AFF3: variants seen among roughly 807,000 people sequenced by gnomAD.
The protein encoded by AFF3 is AF4/FMR2 family member 3.
A neutral mutation model predicts 129.7 loss-of-function variants in AFF3; 32 were observed. The ratio of observed to expected loss-of-function variants is 0.25; its 90% CI spans 0.19 to 0.33. The LOEUF is 0.33. AFF3 is among the 10% of genes least tolerant of loss of function. The pLI, the probability that AFF3 is intolerant of heterozygous loss-of-function variation, is 1.00. For missense variants in AFF3, 1,373 were observed against 1,592.0 expected, an observed-to-expected ratio of 0.86 and a Z score of 2.34; for synonymous variants, 644 against 635.4, an observed-to-expected ratio of 1.01 and a Z score of -0.20.
chr2:99,601,694 G>C, intron 13 of AFF3, 73 bp from the exon 14 acceptor site: 3 of 1,525,652 alleles, frequency 2.0e-6, no homozygotes, highest in Non-Finnish European at 2.6e-6. Context: ...ACACCACCAA[G>C]CTGTCATGCA....
intron 4 of AFF3, among the ~76,000 whole-genome samples, chr2:100,013,704 C>G (rs576725424): frequency 6.6e-6 from 1 of 152,174 alleles, no homozygotes; most frequent in South Asian, 2.1e-4. Context: ...ACAGAGAGAA[C>G]CATAAGGAGA....
intron 7 of AFF3, among the ~76,000 whole-genome samples, chr2:99,877,107 C>A (rs1692358791): frequency 1.3e-5 from 2 of 152,148 alleles, no homozygotes; most frequent in Admixed American, 1.3e-4. Flanking sequence ...GAGGAATACA[C>A]AGATTCTTGG....
At chr2:100,000,840 T>C (rs1490017843) in intron 7 of AFF3, among the ~76,000 whole-genome samples, 1 of 152,206 alleles carries the variant, frequency 6.6e-6, no homozygotes, top group Non-Finnish European at 1.5e-5. Flanking sequence ...TCTCCATAGC[T>C]GCACCCATTC....
chr2:99,595,096 G>A (rs1293755738), intron 14 of AFF3, among the ~76,000 whole-genome samples: 1 of 152,144 alleles, frequency 6.6e-6, no homozygotes, highest in Non-Finnish European at 1.5e-5. Flanking sequence ...GAAATGGATG[G>A]GAAATGTGTA....
At chr2:99,826,526 G>T (rs1369898874) in intron 8 of AFF3, among the ~76,000 whole-genome samples, 2 of 152,204 alleles carry the variant, frequency 1.3e-5, no homozygotes, top group Non-Finnish European at 2.9e-5. Context: ...CATCTCTAGT[G>T]AGGCTTGGAA....
chr2:99,572,571 G>A, intron 18 of AFF3: 1 of 455,554 alleles, frequency 2.2e-6, no homozygotes, highest in East Asian at 7.0e-5. Flanking sequence ...AAGTTCCTCG[G>A]CGCGGCAGAA....
At chr2:100,011,615 C>A (rs1469519927) in intron 4 of AFF3, 1 of 779,722 alleles carries the variant, frequency 1.3e-6, no homozygotes, top group African/African-American at 1.7e-5. Context: ...ACACTTTAAA[C>A]CTGATTAGCC....
chr2:99,957,034 G>T (rs1676716441), intron 7 of AFF3, among the ~76,000 whole-genome samples: 1 of 152,204 alleles, frequency 6.6e-6, no homozygotes, highest in Admixed American at 6.5e-5. Context: ...TTGTGCTAAA[G>T]CCTTGGGTTA....
chr2:99,816,491 C>A (rs1204159259), intron 8 of AFF3, among the ~76,000 whole-genome samples: 1 of 152,152 alleles, frequency 6.6e-6, no homozygotes, highest in Non-Finnish European at 1.5e-5. Context: ...AGGATGCCTT[C>A]CTCCTCTGTT....
intron 8 of AFF3, among the ~76,000 whole-genome samples, chr2:99,757,334 TTTC>T (rs1161471596): frequency 1.3e-5 from 2 of 152,126 alleles, no homozygotes; most frequent in East Asian, 1.9e-4. Flanking sequence ...CACACAAACT[TTTC>T]TTCTTCTTGT....
intron 11 of AFF3, among the ~76,000 whole-genome samples, chr2:99,725,743 G>A (rs1026294426): frequency 6.6e-6 from 1 of 152,222 alleles, no homozygotes; most frequent in South Asian, 2.1e-4. Context: ...AAAATTAAAT[G>A]TAGGATGCTA....
intron 4 of AFF3, among the ~76,000 whole-genome samples, chr2:100,035,182 CT>C: frequency 6.6e-6 from 1 of 152,230 alleles, no homozygotes; most frequent in East Asian, 1.9e-4. Context: ...GTGGCACATG[CT>C]TTGAAGACGC....
In AFF3 at chr2:99,727,123, C is replaced by T. The variant is rs765736723; in HGVS notation, c.1045G>A (p.Gly349Ser). ...VSSGHNNPKK[G>S]DAEPESPDNG... is the part of the protein sequence containing the mutation. ...TCTGGACTCTCTGGCTCTGCATCAC[C>T]TTTCTCTTAAAAAGGAAGCAGAAAA... is the stretch of plus-strand genomic sequence containing the variant. The change falls in exon 11 of 25, where the codon GGT becomes AGT. Residue 349 changes from glycine (G) to serine (S), a missense_variant. This residue lies in a region of AFF3 where 413 missense variants were observed against 424.4 expected (regional missense o/e 0.97). Transcript: ENST00000672756. 6.2e-7 allele frequency: 1 copy of T among 1,609,532 alleles called. No homozygotes were observed. Among genetic ancestry groups the T allele is most frequent in the South Asian group, 1.1e-5 (1 of 89,912 alleles).
chr2:99,720,031 C>T (rs1368176330), intron 11 of AFF3, among the ~76,000 whole-genome samples: 2 of 152,010 alleles, frequency 1.3e-5, no homozygotes, highest in African/African-American at 4.8e-5. Flanking sequence ...AGCGAGACTC[C>T]GTATCAAAAA....
intron 7 of AFF3, among the ~76,000 whole-genome samples, chr2:99,987,234 A>C (rs1251922854): frequency 5.3e-5 from 8 of 151,970 alleles, no homozygotes; most frequent in Admixed American, 5.3e-4. Context: ...AACCTAAAAG[A>C]CAGGGGTACG....
chr2:99,933,496 AC>A (rs1180885543), intron 7 of AFF3, among the ~76,000 whole-genome samples: 2 of 145,954 alleles, frequency 1.4e-5, no homozygotes, highest in Admixed American at 1.4e-4. Flanking sequence ...CTTGCCCCCC[AC>A]CCCCCGACAG....
intron 8 of AFF3, among the ~76,000 whole-genome samples, chr2:99,766,618 A>C (rs1053436588): frequency 5.9e-5 from 9 of 152,210 alleles, no homozygotes; most frequent in African/African-American, 2.2e-4. Flanking sequence ...AAAATATTAA[A>C]ACATTCCCCC....
chr2:99,894,854 A>C (rs1171712340), intron 7 of AFF3, among the ~76,000 whole-genome samples: 1 of 152,230 alleles, frequency 6.6e-6, no homozygotes, highest in Admixed American at 6.5e-5. Flanking sequence ...ACAAAAGCAC[A>C]CAGATTTAAA....
intron 7 of AFF3, among the ~76,000 whole-genome samples, chr2:99,885,347 CCTGT>C (rs1238263237): frequency 6.6e-6 from 1 of 152,182 alleles, no homozygotes; most frequent in African/African-American, 2.4e-5. Flanking sequence ...TGCATTCCCT[CCTGT>C]CTCACAGGGC....
Sources: allele counts gnomAD v4.1 joint callset (sites outside exome capture counted in the v4.1 genomes callset), GRCh38; gene constraint gnomAD v4.1.1; regional missense constraint gnomAD v4.1.1; transcripts MANE v1.5; gene names NCBI Gene and HGNC (gene_info 2026-07-23, HGNC 2026-07-21).